KCNE1: variants seen among roughly 807,000 people sequenced by gnomAD.
The protein encoded by KCNE1 is potassium voltage-gated channel subfamily E regulatory subunit 1.
A neutral mutation model predicts 2.9 loss-of-function variants in KCNE1; 1 was observed. The observed-to-expected ratio is 0.34, with a 90% CI of 0.12 to 1.62. KCNE1 has a LOEUF of 1.62. Among genes scored for constraint, KCNE1 ranks in the 40% most tolerant of loss-of-function variants. KCNE1 has a pLI of 0.36. For synonymous variants in KCNE1, 23 were observed against 65.4 expected (o/e 0.35, Z 3.13); for missense variants, 45 against 150.5 (o/e 0.30, Z 3.67).
chr21:34,501,826 C>T (rs16991742), intron 2 of KCNE1, among the ~76,000 whole-genome samples: 1,673 of 152,304 alleles, frequency 0.011, 54 homozygotes, highest in East Asian at 0.1. Context: ...GCTGAATGTC[C>T]AGGACTTCTG....
chr21:34,497,282 G>A (rs1415020967), intron 2 of KCNE1, among the ~76,000 whole-genome samples: 1 of 152,060 alleles, frequency 6.6e-6, no homozygotes, highest in African/African-American at 2.4e-5. Context: ...GGCCCTGTGA[G>A]ATTTATGCTT....
chr21:34,503,563 C>T (rs1983295226), intron 2 of KCNE1, among the ~76,000 whole-genome samples: 1 of 152,230 alleles, frequency 6.6e-6, no homozygotes, highest in Non-Finnish European at 1.5e-5. Context: ...TCCTAACCCT[C>T]TAATCATGCC....
chr21:34,505,319 G>C (rs1983416196), intron 2 of KCNE1, among the ~76,000 whole-genome samples: 1 of 152,150 alleles, frequency 6.6e-6, no homozygotes, highest in Non-Finnish European at 1.5e-5. Context: ...ATTTTTAGTA[G>C]AGATGGGGTT....
At chr21:34,502,711 G>A (rs1384293469) in intron 2 of KCNE1, among the ~76,000 whole-genome samples, 7 of 152,300 alleles carry the variant, frequency 4.6e-5, no homozygotes, top group African/African-American at 1.4e-4. Flanking sequence ...CTTACTGTCC[G>A]TTGTTCTCTG....
Position 34,505,229 on chromosome 21 carries a change from G to A in KCNE1, c.-162+5872C>T, listed in dbSNP as rs575196666. On this transcript the variant is annotated intron_variant, in intron 2 of 3. Transcript: ENST00000399286. ...GCTCACTGCAACCTCCGCCTCCTGG[G>A]TTCAAGCAATTCTTCTGCCTCAGCC... is the stretch of plus-strand genomic sequence containing the variant. Among the ~76,000 whole-genome samples, 3 of 152,202 alleles carry A rather than the reference G, an allele frequency of 2.0e-5. No homozygotes were observed. In the East Asian group the frequency reaches 5.8e-4, roughly 29 times the overall value.
chr21:34,503,377 C>A (rs538636606), intron 2 of KCNE1, among the ~76,000 whole-genome samples: 38 of 152,270 alleles, frequency 2.5e-4, no homozygotes, highest in African/African-American at 8.9e-4. Flanking sequence ...CTCCTAGGGA[C>A]CACCCTCCAG....
At chr21:34,507,847 A>G (rs182947363) in intron 2 of KCNE1, among the ~76,000 whole-genome samples, 54 of 152,318 alleles carry the variant, frequency 3.5e-4, no homozygotes, top group African/African-American at 1.3e-3. Flanking sequence ...ATGCATAACG[A>G]CACCACTACC....
At chr21:34,449,755 G>A (rs184136331) in intron 3 of KCNE1, 71 bp from the exon 4 acceptor site, 8 of 443,788 alleles carry the variant, frequency 1.8e-5, no homozygotes, top group East Asian at 1.8e-4. Flanking sequence ...GCACACACAC[G>A]TATACAATTT....
intron 2 of KCNE1, 42 bp downstream of exon 2, chr21:34,511,059 T>G (rs79953596): frequency 2.6e-6 from 2 of 779,126 alleles, no homozygotes; most frequent in Non-Finnish European, 3.1e-6. Flanking sequence ...GAGCAGAGGG[T>G]GCCTAACTGA....
intron 2 of KCNE1, among the ~76,000 whole-genome samples, chr21:34,507,073 A>T (rs1983537187): frequency 6.6e-6 from 1 of 152,192 alleles, no homozygotes; most frequent in African/African-American, 2.4e-5. Flanking sequence ...TAGGAGGCTG[A>T]GACTGGTCTT....
rs184079604 is a variant in KCNE1 at position 34,505,895 on chromosome 21, G to T, written c.-162+5206C>A. Among the ~76,000 whole-genome samples, 14 of 152,320 alleles carry T rather than the reference G, an allele frequency of 9.2e-5. No individual in the cohort carries two copies. In the East Asian group the frequency reaches 1.5e-3, roughly 17 times the overall value. ...CATCCCACCTCCCAGGACAAGCAAAGGTCCTGCCTCCAAGTCATTGCAACT... is the reference window on the plus strand; with the variant it reads ...CATCCCACCTCCCAGGACAAGCAAATGTCCTGCCTCCAAGTCATTGCAACT... On this transcript the variant is annotated intron_variant, in intron 2 of 3. Transcript: ENST00000399286.
intron 2 of KCNE1, among the ~76,000 whole-genome samples, chr21:34,495,534 G>A (rs1311595555): frequency 2.0e-5 from 2 of 98,912 alleles, no homozygotes; most frequent in Non-Finnish European, 4.1e-5. Flanking sequence ...GGGAATTTTT[G>A]TATTATTGTT....
intron 2 of KCNE1, among the ~76,000 whole-genome samples, chr21:34,496,282 C>G (rs976367637): frequency 1.7e-4 from 26 of 152,092 alleles, no homozygotes; most frequent in African/African-American, 6.3e-4. Flanking sequence ...ACCGTGTTAG[C>G]CAGGATGGTC....
At chr21:34,506,322 C>G (rs74783163) in intron 2 of KCNE1, among the ~76,000 whole-genome samples, 1 of 152,334 alleles carries the variant, frequency 6.6e-6, no homozygotes, top group East Asian at 1.9e-4. Context: ...CTTAACCCCA[C>G]TGGCCCCATA....
chr21:34,507,059 A>C (rs539587587), intron 2 of KCNE1, among the ~76,000 whole-genome samples: 1 of 152,330 alleles, frequency 6.6e-6, no homozygotes, highest in South Asian at 2.1e-4. Context: ...ACATGGATGC[A>C]TGTTAGGAGG....
intron 2 of KCNE1, among the ~76,000 whole-genome samples, chr21:34,503,112 C>T (rs1353515207): frequency 6.6e-6 from 1 of 152,206 alleles, no homozygotes; most frequent in African/African-American, 2.4e-5. Flanking sequence ...CTATAAGACT[C>T]TCCCCAACCT....
intron 2 of KCNE1, among the ~76,000 whole-genome samples, chr21:34,497,422 T>A (rs12151998): frequency 0.053 from 8,117 of 152,288 alleles, 215 homozygotes; most frequent in Non-Finnish European, 0.061. Context: ...AAAGACTTTA[T>A]CTCTCTTTCA....
intron 2 of KCNE1, among the ~76,000 whole-genome samples, chr21:34,504,339 T>G (rs1171909696): frequency 6.6e-6 from 1 of 152,174 alleles, no homozygotes; most frequent in African/African-American, 2.4e-5. Flanking sequence ...ACATCTCTAG[T>G]GATCAGGGAA....
intron 2 of KCNE1, among the ~76,000 whole-genome samples, chr21:34,506,012 G>A (rs778410163): frequency 3.9e-5 from 6 of 152,266 alleles, no homozygotes; most frequent in East Asian, 1.9e-4. Context: ...AAATTACTTC[G>A]ACATCTACTG....
Sources: allele counts gnomAD v4.1 joint callset (sites outside exome capture counted in the v4.1 genomes callset), GRCh38; gene constraint gnomAD v4.1.1; transcripts MANE v1.5; gene names NCBI Gene and HGNC (gene_info 2026-07-23, HGNC 2026-07-21).